The following NPSR1 variants were observed in gnomAD, a reference collection of about 807,000 sequenced individuals.
NPSR1 encodes neuropeptide S receptor.
A neutral mutation model predicts 46.9 loss-of-function variants in NPSR1; 48 were observed. The ratio of observed to expected loss-of-function variants is 1.02; its 90% CI spans 0.81 to 1.30. The LOEUF is 1.30. NPSR1 is among the 50% of genes most tolerant of loss of function. NPSR1 has a pLI of 0.00. For missense variants in NPSR1, 450 were observed against 449.5 expected (o/e 1.00, Z -0.01); for synonymous variants, 176 against 168.1 (o/e 1.05, Z -0.36).
intron 2 of NPSR1, among the ~76,000 whole-genome samples, chr7:34,733,447 G>GA (rs924517993): frequency 4.0e-5 from 6 of 148,820 alleles, no homozygotes; most frequent in Non-Finnish European, 9.0e-5. Context: ...AAAAGAAAAA[G>GA]AAAAAATGAA....
intron 2 of NPSR1, chr7:34,685,720 C>T (rs931620953): frequency 9.4e-6 from 4 of 425,420 alleles, no homozygotes; most frequent in Non-Finnish European, 1.9e-5. Context: ...TTGTTAGTAA[C>T]CTGAAATTCC....
At chr7:34,850,981 G>A (rs1299880679), downstream of NPSR1, among the ~76,000 whole-genome samples, 1 of 152,150 alleles carries the variant, frequency 6.6e-6, no homozygotes, top group Non-Finnish European at 1.5e-5. Flanking sequence ...TAATCCAAGT[G>A]AAATATGACT....
chr7:34,869,494 A>C (rs1415255222), intron 8 of NPSR1, among the ~76,000 whole-genome samples: 1 of 151,494 alleles, frequency 6.6e-6, no homozygotes, highest in Non-Finnish European at 1.5e-5. Flanking sequence ...GTGTCACCTC[A>C]CTGTACTCCT....
intron 2 of NPSR1, among the ~76,000 whole-genome samples, chr7:34,698,930 G>A (rs550680570): frequency 1.3e-5 from 2 of 152,098 alleles, no homozygotes; most frequent in Admixed American, 6.5e-5. Flanking sequence ...AAAATATAAA[G>A]GAAAATTTTC....
intron 4 of NPSR1, among the ~76,000 whole-genome samples, chr7:34,816,197 G>C (rs187471144): frequency 0.047 from 6,487 of 139,498 alleles, 298 homozygotes; most frequent in East Asian, 0.26. Flanking sequence ...ATACACATAG[G>C]CTCAAAATAA....
intron 4 of NPSR1, among the ~76,000 whole-genome samples, chr7:34,820,485 G>A (rs77722578): frequency 1.1e-4 from 16 of 152,178 alleles, no homozygotes; most frequent in African/African-American, 2.7e-4. Flanking sequence ...GAGACATTTC[G>A]TGACATAGGT....
At chr7:34,747,129 C>CAA (rs5883471) in intron 2 of NPSR1, among the ~76,000 whole-genome samples, 2,442 of 106,930 alleles carry the variant, frequency 0.023, 30 homozygotes, top group East Asian at 0.036. Context: ...ACCAAAAAAA[C>CAA]AAAAAAAAAA....
intron 2 of NPSR1, among the ~76,000 whole-genome samples, chr7:34,722,031 AGAAAAGGAGGGG>A (rs1437921705): frequency 2.6e-5 from 4 of 152,118 alleles, no homozygotes; most frequent in African/African-American, 9.7e-5. Flanking sequence ...TATTTTATAG[AGAAAAGGAGGGG>A]GAAAAGGAGG....
chr7:34,666,861 C>T (rs1167606346), intron 1 of NPSR1, among the ~76,000 whole-genome samples: 1 of 152,118 alleles, frequency 6.6e-6, no homozygotes, highest in Non-Finnish European at 1.5e-5. Flanking sequence ...CTTATAAAAA[C>T]TGATTCAGAC....
intron 3 of NPSR1, among the ~76,000 whole-genome samples, chr7:34,810,416 C>CA (rs1018181606): frequency 3.3e-5 from 5 of 151,666 alleles, no homozygotes; most frequent in South Asian, 4.1e-4. Flanking sequence ...GCTAATTATG[C>CA]AAAAAAAGAT....
chr7:34,781,462 C>T (rs1199848680), intron 3 of NPSR1, among the ~76,000 whole-genome samples: 3 of 152,158 alleles, frequency 2.0e-5, no homozygotes, highest in Non-Finnish European at 4.4e-5. Context: ...GTGTGATTGG[C>T]ACACCTAAGA....
chr7:34,802,574 AT>A (rs922821355), intron 3 of NPSR1, among the ~76,000 whole-genome samples: 3 of 149,428 alleles, frequency 2.0e-5, no homozygotes, highest in Non-Finnish European at 2.9e-5. Context: ...TTCAAGATGG[AT>A]TAAAGACTAA....
intron 3 of NPSR1, among the ~76,000 whole-genome samples, chr7:34,794,396 A>C (rs145892307): frequency 1.2e-4 from 19 of 152,260 alleles, no homozygotes; most frequent in African/African-American, 4.6e-4. Context: ...AAACGTTAAG[A>C]AAGGAATATT....
At position 34,791,923 on chromosome 7, in the gene NPSR1, G is replaced by C. The variant is rs907024681; in HGVS notation, c.384+13358G>C. On this transcript the variant is annotated intron_variant, in intron 3 of 8. Transcript: ENST00000360581. ...ATGTATGGTCCACTGATCTTCAACA[G>C]TGATGCCAAAAATAAACAGTGGTGC... Among the ~76,000 whole-genome samples the C allele has an allele frequency of 2.0e-5, 3 of 152,102 alleles. No homozygotes were observed. In the East Asian group the frequency reaches 5.8e-4, roughly 29 times the overall value.
In NPSR1 at chr7:34,822,863, CA is replaced by C. The variant is rs575328083; in HGVS notation, c.479-4534del. Among the ~76,000 whole-genome samples the C allele has an allele frequency of 2.0e-5, 3 of 151,972 alleles. No individual in the cohort carries two copies. The South Asian group carries it at 6.2e-4, about 32-fold the overall frequency. Reference sequence around the variant, plus strand: ...GGAAAGGCCTTTCCAGGAACCATATCAAAAGCAGAAGCAAGAAGGAAAATAT... The same window carrying C: ...GGAAAGGCCTTTCCAGGAACCATATCAAAGCAGAAGCAAGAAGGAAAATAT... On this transcript the variant is annotated intron_variant, in intron 4 of 8. Transcript: ENST00000360581.
At chr7:34,693,044 T>A (rs1264297131) in intron 2 of NPSR1, among the ~76,000 whole-genome samples, 1 of 152,218 alleles carries the variant, frequency 6.6e-6, no homozygotes. Flanking sequence ...TGATAGTGAA[T>A]GAGCTTTTGT....
At chr7:34,772,002 G>C (rs979835656) in intron 2 of NPSR1, among the ~76,000 whole-genome samples, 1 of 152,160 alleles carries the variant, frequency 6.6e-6, no homozygotes, top group African/African-American at 2.4e-5. Context: ...ACCATTGGGG[G>C]ATGCTTTGCG....
intron 2 of NPSR1, among the ~76,000 whole-genome samples, chr7:34,711,695 T>C (rs1489382182): frequency 6.6e-6 from 1 of 152,240 alleles, no homozygotes; most frequent in African/African-American, 2.4e-5. Flanking sequence ...ACTGAGACGA[T>C]GCACATAAAA....
intron 3 of NPSR1, among the ~76,000 whole-genome samples, chr7:34,789,030 C>T (rs1300776487): frequency 2.0e-5 from 3 of 151,698 alleles, no homozygotes; most frequent in Non-Finnish European, 4.4e-5. Context: ...GAAAATTAAA[C>T]AAGAGACTCC....
Sources: allele counts gnomAD v4.1 joint callset (sites outside exome capture counted in the v4.1 genomes callset), GRCh38; gene constraint gnomAD v4.1.1; transcripts MANE v1.5; gene names NCBI Gene and HGNC (gene_info 2026-07-23, HGNC 2026-07-21).